The following CCND2 variants were observed in gnomAD, a reference collection of about 807,000 sequenced individuals.
The protein encoded by CCND2 is cyclin D2, also known as G1/S-specific cyclin-D2.
CCND2 carries 6 observed loss-of-function variants against 30.2 expected under a neutral mutation model. The ratio of observed to expected loss-of-function variants is 0.20; its 90% CI spans 0.11 to 0.39. CCND2 has a LOEUF of 0.39. Among genes scored for constraint, CCND2 ranks in the 10% least tolerant of loss-of-function variants. CCND2 has a pLI of 1.00. For synonymous variants in CCND2, 150 were observed against 153.1 expected (o/e 0.98, Z 0.15); for missense variants, 235 against 373.4 (o/e 0.63, Z 3.06).
At chr12:4,286,953 G>A (rs907579630) in intron 3 of CCND2, among the ~76,000 whole-genome samples, 21 of 152,208 alleles carry the variant, frequency 1.4e-4, no homozygotes, top group Non-Finnish European at 2.6e-4. Flanking sequence ...CGGCTGCCCC[G>A]CTTGTGTTAT....
chr12:4,289,876 C>T (rs1172977368), intron 4 of CCND2, among the ~76,000 whole-genome samples: 1 of 152,132 alleles, frequency 6.6e-6, no homozygotes, highest in African/African-American at 2.4e-5. Flanking sequence ...TCCGACTGCC[C>T]CCTGGAAACT....
intron 3 of CCND2, among the ~76,000 whole-genome samples, chr12:4,283,002 A>G (rs1318444653): frequency 6.6e-6 from 1 of 152,138 alleles, no homozygotes; most frequent in African/African-American, 2.4e-5. Flanking sequence ...CTCTCCCCCT[A>G]TTGGTGAACA....
rs1864013548 is a variant in CCND2, at chr12:4,285,692, A to G, written c.572-3150A>G. On this transcript the variant is annotated intron_variant, in intron 3 of 4. Coordinates refer to ENST00000261254, the MANE Select transcript of CCND2 (RefSeq NM_001759.4). This position sits in a 1 kb window ranked among gnomAD's most constrained non-coding sequence, Gnocchi z 4.1. The stretch of plus-strand genomic sequence containing the variant: ...AGCGACAAAGCTGATGGTTTCCAGG[A>G]ATGGCTGCATTGGGTAGGTGGAGCT... Among the ~76,000 whole-genome samples, 1 of 152,190 alleles carries G rather than the reference A, an allele frequency of 6.6e-6. No homozygotes were observed. Among genetic ancestry groups the G allele is most frequent in the Admixed American group, 6.5e-5 (1 of 15,280 alleles).
chr12:4,276,182 A>C lies in CCND2; in HGVS notation c.373A>C (p.Ile125Leu), dbSNP rs1863871409. 1 of 1,614,094 alleles carries C rather than the reference A, an allele frequency of 6.2e-7. No homozygotes were observed. Among genetic ancestry groups the C allele is most frequent in the South Asian group, 1.1e-5 (1 of 91,092 alleles). ...CCCGCTGACCGCGGAGAAGCTGTGC[A>C]TTTACACCGACAACTCCATCAAGCC... ...TSPLTAEKLC[I>L]YTDNSIKPQE... Residue 125 changes from isoleucine (I) to leucine (L), a missense_variant, in exon 2 of 5, where the codon ATT becomes CTT. By Grantham distance (5) the Ile-to-Leu change is conservative. This residue lies in a region of CCND2 where 178 missense variants were observed against 322.8 expected (regional missense o/e 0.55). Coordinates refer to ENST00000261254, the MANE Select transcript of CCND2 (RefSeq NM_001759.4). This position sits in a 1 kb window ranked among gnomAD's most constrained non-coding sequence, Gnocchi z 4.8.
At chr12:4,292,064 T>G (rs765655782) in intron 4 of CCND2, among the ~76,000 whole-genome samples, 20 of 152,156 alleles carry the variant, frequency 1.3e-4, no homozygotes, top group Non-Finnish European at 2.8e-4. Context: ...TGAATGTACT[T>G]AATGCCACTG....
chr12:4,275,682 G>A (rs1034554006), intron 1 of CCND2, among the ~76,000 whole-genome samples: 6 of 151,534 alleles, frequency 4.0e-5, no homozygotes, highest in Admixed American at 2.6e-4. Context: ...GTGAGTTAGA[G>A]TGCGCGAAGG....
rs188800008 is a variant in CCND2, at chr12:4,299,205, C to G, written c.721-655C>G. 2.6e-5 allele frequency among the ~76,000 whole-genome samples: 4 copies of G among 151,976 alleles called. No homozygotes were observed. The East Asian group carries it at 7.7e-4, about 29-fold the overall frequency. ...TGAAACCCTGTCTGTACTAAAAATA[C>G]AAAAATTAGCCAGGCGCGGTGGCGG... On this transcript the variant is annotated intron_variant, in intron 4 of 4. Coordinates refer to ENST00000261254, the MANE Select transcript of CCND2 (RefSeq NM_001759.4). This position sits in a 1 kb window ranked among gnomAD's most constrained non-coding sequence, Gnocchi z 5.2.
intron 4 of CCND2, among the ~76,000 whole-genome samples, chr12:4,294,635 T>C (rs1864143113): frequency 6.6e-6 from 1 of 152,202 alleles, no homozygotes; most frequent in Admixed American, 6.5e-5. Context: ...GTTCTGAAAT[T>C]GGAGGCTTGC....
intron 1 of CCND2, chr12:4,275,471 CCT>C (rs1337803857): frequency 6.9e-6 from 1 of 144,362 alleles, no homozygotes; most frequent in African/African-American, 2.6e-5. Flanking sequence ...CCTCCCTCCC[CCT>C]CTCTTCCCCA....
At chr12:4,278,987 A>C (rs1374822666) in intron 3 of CCND2, 68 bp downstream of exon 3, 1 of 1,499,974 alleles carries the variant, frequency 6.7e-7, no homozygotes, top group African/African-American at 1.4e-5. Flanking sequence ...GGGAGAGGCA[A>C]AAGGCCGTAG....
chr12:4,293,147 C>G lies in CCND2; in HGVS notation c.720+4157C>G, dbSNP rs1489124648. On this transcript the variant is annotated intron_variant, in intron 4 of 4. Transcript: ENST00000261254. The surrounding 1 kb of genome is among the most constrained non-coding windows in gnomAD (Gnocchi z 4.9). ...CTGTGTCTTTTCTTTAACTTCAATT[C>G]TGTGTCAGGGCCTTCCGAGCCTTCT... Among the ~76,000 whole-genome samples, 1 of 152,186 alleles carries G rather than the reference C, an allele frequency of 6.6e-6. No homozygotes were observed.
intron 3 of CCND2, among the ~76,000 whole-genome samples, chr12:4,281,971 T>C (rs1374252333): frequency 2.6e-5 from 4 of 151,974 alleles, no homozygotes; most frequent in African/African-American, 4.8e-5. Context: ...GGGCGGGGGA[T>C]CTTCCTGACT....
In CCND2 at chr12:4,288,987, C is replaced by T. The variant is rs755776688; in HGVS notation, c.717C>T (p.Asp239=). The T allele has an allele frequency of 2.9e-5, 46 of 1,609,466 alleles. No homozygotes were observed. Among genetic ancestry groups the T allele is most frequent in the East Asian group, 6.7e-5 (3 of 44,724 alleles). ...TELLAKITNT[D]VDCLKACQEQ... The stretch of plus-strand genomic sequence containing the variant: ...TGCTGGCTAAGATCACCAACACAGA[C>T]GTGGTAGGTGGCCACCACCTTCTTG... The change falls in exon 4 of 5, where the codon GAC becomes GAT. Residue 239 remains aspartate, a synonymous_variant. Transcript: ENST00000261254.
chr12:4,291,916 CAG>C (rs1864106409), intron 4 of CCND2, among the ~76,000 whole-genome samples: 1 of 152,046 alleles, frequency 6.6e-6, no homozygotes, highest in Non-Finnish European at 1.5e-5. Flanking sequence ...TTCGTAGAGA[CAG>C]AAAGTAGAAT....
Position 4,287,720 on chromosome 12 carries a change from C to T in CCND2, c.572-1122C>T, listed in dbSNP as rs1290121585. On this transcript the variant is annotated intron_variant, in intron 3 of 4. Transcript: ENST00000261254. This position sits in a 1 kb window ranked among gnomAD's most constrained non-coding sequence, Gnocchi z 4.0. Reference sequence around the variant, plus strand: ...TTCTGTGGCTGATGGGTAAATTAAACAGGACGTAATGTGTAGCGTACTGCA... The same window carrying T: ...TTCTGTGGCTGATGGGTAAATTAAATAGGACGTAATGTGTAGCGTACTGCA... Among the ~76,000 whole-genome samples the T allele has an allele frequency of 6.6e-6, 1 of 152,190 alleles. No homozygotes were observed. The highest frequency in any genetic ancestry group is 1.5e-5 in the Non-Finnish European group (1 of 68,034).
intron 4 of CCND2, among the ~76,000 whole-genome samples, chr12:4,291,235 T>TGTGTG (rs1555088220): frequency 8.4e-5 from 1 of 11,852 alleles, no homozygotes; most frequent in African/African-American, 1.9e-4. Flanking sequence ...GTGTGTGTGT[T>TGTGTG]TATGCACCTT....
chr12:4,285,832 G>C lies in CCND2; in HGVS notation c.572-3010G>C, dbSNP rs1287475265. Among the ~76,000 whole-genome samples, 4 of 152,216 alleles carry C rather than the reference G, an allele frequency of 2.6e-5. No individual in the cohort carries two copies. ...GTTCAGTATCCCCTACCAGTAGAGA[G>C]GGGGATGTCCTTGAGAGTGGTCCTG... On this transcript the variant is annotated intron_variant, in intron 3 of 4. Coordinates refer to ENST00000261254, the MANE Select transcript of CCND2 (RefSeq NM_001759.4). The surrounding 1 kb of genome is among the most constrained non-coding windows in gnomAD (Gnocchi z 4.1).
chr12:4,296,529 CA>C (rs1864171907), intron 4 of CCND2, among the ~76,000 whole-genome samples: 1 of 152,268 alleles, frequency 6.6e-6, no homozygotes, highest in Non-Finnish European at 1.5e-5. Flanking sequence ...CACACACACG[CA>C]AGTTCCCTCA....
chr12:4,276,261 C>T lies in CCND2; in HGVS notation c.411+41C>T, dbSNP rs767018888. The T allele has an allele frequency of 6.4e-7, 1 of 1,557,452 alleles. No homozygotes were observed. Among genetic ancestry groups the T allele is most frequent in the Non-Finnish European group, 8.8e-7 (1 of 1,135,866 alleles). ...TTCCTCCCTTCCTTTCTGCGATTCC[C>T]GCTTTCCCCTGGCCAACAATATGCC... On this transcript the variant is annotated intron_variant, in intron 2 of 4. Transcript: ENST00000261254. The surrounding 1 kb of genome is among the most constrained non-coding windows in gnomAD (Gnocchi z 4.8).
Sources: allele counts gnomAD v4.1 joint callset (sites outside exome capture counted in the v4.1 genomes callset), GRCh38; gene constraint gnomAD v4.1.1; regional missense constraint gnomAD v4.1.1; non-coding constraint Gnocchi (gnomAD v3.1); transcripts MANE v1.5; gene names NCBI Gene and HGNC (gene_info 2026-07-23, HGNC 2026-07-21).